Variants in SEL1L3 observed in about 807,000 individuals in gnomAD.
The protein encoded by SEL1L3 is SEL1L family member 3, also known as protein sel-1 homolog 3.
A neutral mutation model predicts 142.8 loss-of-function variants in SEL1L3; 76 were observed. The observed-to-expected ratio is 0.53, with a 90% CI of 0.44 to 0.64. The LOEUF (loss-of-function observed/expected upper bound fraction) is 0.64. Among genes scored for constraint, SEL1L3 ranks in the 30% least tolerant of loss-of-function variants. SEL1L3 has a pLI of 0.00. For missense variants in SEL1L3, 1,262 were observed against 1,381.7 expected (o/e 0.91, Z 1.37); for synonymous variants, 504 against 519.6 (o/e 0.97, Z 0.41).
At chr4:25,863,290 C>T (rs1221080805), upstream of SEL1L3, 3 of 340,608 alleles carry the variant, frequency 8.8e-6, no homozygotes, top group Non-Finnish European at 1.6e-5. Context: ...CTCTGCGATC[C>T]CCCTCCTCTC....
At chr4:25,804,268 C>T (rs1713396359) in intron 10 of SEL1L3, among the ~76,000 whole-genome samples, 1 of 152,150 alleles carries the variant, frequency 6.6e-6, no homozygotes, top group Non-Finnish European at 1.5e-5. Context: ...TCTTGAAGAA[C>T]TGGTGTTCTG....
the SEL1L3 span, among the ~76,000 whole-genome samples, chr4:25,733,511 T>A: frequency 1.3e-5 from 2 of 149,152 alleles, no homozygotes; most frequent in East Asian, 2.0e-4. Context: ...ATTTTTTTTT[T>A]ATATTCCTTA....
intron 16 of SEL1L3, chr4:25,778,028 G>A: frequency 3.3e-6 from 1 of 302,168 alleles, no homozygotes; most frequent in Non-Finnish European, 6.6e-6. Flanking sequence ...TACAAAACAG[G>A]TACCAAGCTA....
At chr4:25,805,907 T>C (rs912005629) in intron 9 of SEL1L3, among the ~76,000 whole-genome samples, 2 of 152,248 alleles carry the variant, frequency 1.3e-5, no homozygotes, top group Non-Finnish European at 2.9e-5. Flanking sequence ...ATAACGTTGA[T>C]GTAAATGTTA....
chr4:25,734,848 T>C, the SEL1L3 span, among the ~76,000 whole-genome samples: 49 of 152,204 alleles, frequency 3.2e-4, no homozygotes, highest in Non-Finnish European at 1.9e-4. Flanking sequence ...GGATTATAGG[T>C]GTCAGCCACG....
chr4:25,809,758 T>C (rs1237088404), intron 9 of SEL1L3, among the ~76,000 whole-genome samples: 5 of 152,200 alleles, frequency 3.3e-5, no homozygotes, highest in Non-Finnish European at 7.3e-5. Flanking sequence ...AAAAACTATA[T>C]GTATGCTTTT....
rs946646514 is a variant in SEL1L3, at chr4:25,804,456, G to A, written c.1776+85C>T. ...AAAGGTCTCCAAGGAGCTGCAACATGTCCAGTTCTACCAGGGGCACGAGAG... is the reference window on the plus strand; with the variant it reads ...AAAGGTCTCCAAGGAGCTGCAACATATCCAGTTCTACCAGGGGCACGAGAG... On this transcript the variant is annotated intron_variant, in intron 10 of 23. Coordinates refer to ENST00000399878, the MANE Select transcript of SEL1L3 (RefSeq NM_015187.5). 10 of 975,724 alleles carry A rather than the reference G, an allele frequency of 1.0e-5. No homozygotes were observed. In the African/African-American group the frequency reaches 1.5e-4, roughly 14 times the overall value. The allele number at this position is 975,724 out of a possible 1,614,324, so 60.4% of individuals were successfully genotyped here.
intron 5 of SEL1L3, among the ~76,000 whole-genome samples, chr4:25,831,242 C>A (rs1426020858): frequency 2.0e-5 from 3 of 152,088 alleles, no homozygotes; most frequent in African/African-American, 7.2e-5. Context: ...CCAAGATTCT[C>A]TGCATTCTAC....
chr4:25,852,270 A>G (rs1448751939), intron 1 of SEL1L3, among the ~76,000 whole-genome samples: 1 of 152,196 alleles, frequency 6.6e-6, no homozygotes, highest in African/African-American at 2.4e-5. Flanking sequence ...AGGCAAGCCC[A>G]GAAACCTGGC....
chr4:25,718,304 G>T, the SEL1L3 span: 1 of 152,122 alleles, frequency 6.6e-6, no homozygotes, highest in East Asian at 1.9e-4. Flanking sequence ...AGGAGAATGA[G>T]GCCATAGTCA....
At chr4:25,802,213 A>G (rs1713228432) in intron 11 of SEL1L3, 70 bp downstream of exon 11, 5 of 1,416,194 alleles carry the variant, frequency 3.5e-6, no homozygotes, top group African/African-American at 1.4e-5. Flanking sequence ...AAGCAACCAC[A>G]GGGGCAGACA....
In SEL1L3 at chr4:25,819,944, CAAG is replaced by C; in HGVS notation, c.1291-7_1291-5del. 6.2e-7 allele frequency: 1 copy of C among 1,607,310 alleles called. No homozygotes were observed. The highest frequency in any genetic ancestry group is 8.5e-7 in the Non-Finnish European group (1 of 1,176,598). ...TCTCAAGGAGGGGATTAAAAATCTA[CAAG>C]AAGGCAAGAAAGTCAAATGAACAAC... On this transcript the variant is annotated splice_polypyrimidine_tract_variant and splice_region_variant and intron_variant, in intron 7 of 23. Coordinates refer to ENST00000399878, the MANE Select transcript of SEL1L3 (RefSeq NM_015187.5).
chr4:25,807,545 T>C (rs1223046391), intron 9 of SEL1L3, among the ~76,000 whole-genome samples: 1 of 152,060 alleles, frequency 6.6e-6, no homozygotes, highest in East Asian at 1.9e-4. Context: ...GATGCCCCTC[T>C]GCACATTCCC....
intron 1 of SEL1L3, among the ~76,000 whole-genome samples, chr4:25,853,532 C>T (rs1717039055): frequency 6.6e-6 from 1 of 151,624 alleles, no homozygotes; most frequent in South Asian, 2.1e-4. Flanking sequence ...ATTTCAAACC[C>T]TTTGTATAAA....
chr4:25,847,583 C>G lies in SEL1L3; in HGVS notation c.444G>C (p.Val148=). 1 of 1,613,942 alleles carries G rather than the reference C, an allele frequency of 6.2e-7. No homozygotes were observed. The highest frequency in any genetic ancestry group is 8.5e-7 in the Non-Finnish European group (1 of 1,179,878). ...LHTSRTQIVH[V]KFPSIMVYRD... ...TGTAAACCATAATGCTTGGAAATTTCACATGTACTATTTGTGTCCTGCTGG... is the reference window on the plus strand; with the variant it reads ...TGTAAACCATAATGCTTGGAAATTTGACATGTACTATTTGTGTCCTGCTGG... The change falls in exon 2 of 24, where the codon GTG becomes GTC. Residue 148 remains valine (V), a synonymous_variant. Transcript: ENST00000399878.
rs201789988 is a variant in SEL1L3, at chr4:25,788,206, G to T, written c.2217+18C>A. ...GATAAGAATTGCACAATTTCAGCACGAATTAAGTGATTCTTACCTTGAATA... is the reference window on the plus strand; with the variant it reads ...GATAAGAATTGCACAATTTCAGCACTAATTAAGTGATTCTTACCTTGAATA... On this transcript the variant is annotated intron_variant, in intron 13 of 23. Coordinates refer to ENST00000399878, the MANE Select transcript of SEL1L3 (RefSeq NM_015187.5). This position sits in a 1 kb window ranked among gnomAD's most constrained non-coding sequence, Gnocchi z 5.3. 50 of 1,611,548 alleles carry T rather than the reference G, an allele frequency of 3.1e-5. 1 individual carries two copies. The highest frequency in any genetic ancestry group is 1.2e-4 in the African/African-American group (9 of 74,900).
chr4:25,769,034 A>G (rs1467382280), intron 17 of SEL1L3, among the ~76,000 whole-genome samples: 1 of 145,426 alleles, frequency 6.9e-6, no homozygotes, highest in East Asian at 2.0e-4. Context: ...CTCAATTTTT[A>G]TACGTTACCT....
the SEL1L3 span, among the ~76,000 whole-genome samples, chr4:25,738,055 A>G: frequency 2.0e-5 from 3 of 151,966 alleles, no homozygotes; most frequent in African/African-American, 7.2e-5. Flanking sequence ...ACACCTGCCT[A>G]ATTTTGTGTT....
At chr4:25,756,658 CCCTTGT>C (rs1717982572) in intron 23 of SEL1L3, 1 of 1,028,452 alleles carries the variant, frequency 9.7e-7, no homozygotes, top group Admixed American at 4.8e-5. Flanking sequence ...AAGCAGGGCT[CCCTTGT>C]CCTTAACTAT....
Sources: allele counts gnomAD v4.1 joint callset (sites outside exome capture counted in the v4.1 genomes callset), GRCh38; gene constraint gnomAD v4.1.1; non-coding constraint Gnocchi (gnomAD v3.1); transcripts MANE v1.5; gene names NCBI Gene and HGNC (gene_info 2026-07-23, HGNC 2026-07-21).